GALNT13: variants seen among roughly 807,000 people sequenced by gnomAD.
GALNT13 encodes the protein UDP-GalNAc:polypeptide N-acetylgalactosaminyltransferase 13.
A neutral mutation model predicts 64.2 loss-of-function variants in GALNT13; 28 were observed. The ratio of observed to expected loss-of-function variants is 0.44; its 90% CI spans 0.32 to 0.60. The LOEUF (loss-of-function observed/expected upper bound fraction) is 0.60, where lower values mean the gene tolerates loss of function less well. GALNT13 is among the 20% of genes least tolerant of loss of function. The pLI is 0.05. For synonymous variants in GALNT13, 214 were observed against 224.6 expected (o/e 0.95, Z 0.42); for missense variants, 577 against 669.8 (o/e 0.86, Z 1.53).
chr2:153,312,067 A>C, the GALNT13 span, among the ~76,000 whole-genome samples: 1 of 152,198 alleles, frequency 6.6e-6, no homozygotes, highest in African/African-American at 2.4e-5. Context: ...AAATAATGTA[A>C]ATTGCCAAAG....
chr2:154,204,907 G>A (rs1423480950), intron 4 of GALNT13, among the ~76,000 whole-genome samples: 1 of 152,162 alleles, frequency 6.6e-6, no homozygotes. Context: ...CTGTCTTAGT[G>A]TTTAATACAG....
intron 9 of GALNT13, among the ~76,000 whole-genome samples, chr2:154,354,818 ATTATAAT>A (rs1332399166): frequency 6.6e-6 from 1 of 151,928 alleles, no homozygotes; most frequent in Non-Finnish European, 1.5e-5. Flanking sequence ...GTGATTTTAA[ATTATAAT>A]TTGTAACCTT....
the GALNT13 span, among the ~76,000 whole-genome samples, chr2:153,104,341 A>G: frequency 1.3e-5 from 2 of 152,220 alleles, no homozygotes; most frequent in African/African-American, 4.8e-5. Flanking sequence ...GGCTCTCCCA[A>G]CATTTCAAAG....
At chr2:153,534,590 G>A in the GALNT13 span, among the ~76,000 whole-genome samples, 4 of 145,912 alleles carry the variant, frequency 2.7e-5, no homozygotes, top group Non-Finnish European at 5.9e-5. Flanking sequence ...GGCCAAGTCC[G>A]AAAAGAGAGT....
intron 9 of GALNT13, among the ~76,000 whole-genome samples, chr2:154,339,539 A>G (rs1035670792): frequency 3.3e-5 from 5 of 152,268 alleles, no homozygotes; most frequent in Non-Finnish European, 7.4e-5. Context: ...CTGGAATTTT[A>G]AAATGTAGTT....
At chr2:153,331,215 G>T in the GALNT13 span, among the ~76,000 whole-genome samples, 2 of 135,038 alleles carry the variant, frequency 1.5e-5, no homozygotes, top group African/African-American at 5.5e-5. Context: ...GTTCATCAGG[G>T]ATATTGGCCT....
chr2:153,070,253 G>T, the GALNT13 span, among the ~76,000 whole-genome samples: 1 of 152,144 alleles, frequency 6.6e-6, no homozygotes, highest in South Asian at 2.1e-4. Context: ...TATGGCATTT[G>T]GAAAAGGCAG....
At chr2:154,057,463 T>G (rs1193470282) in intron 3 of GALNT13, among the ~76,000 whole-genome samples, 1 of 152,228 alleles carries the variant, frequency 6.6e-6, no homozygotes, top group Non-Finnish European at 1.5e-5. Flanking sequence ...TCATTAAATA[T>G]TTATGTAGTA....
At chr2:153,844,416 T>A in the GALNT13 span, among the ~76,000 whole-genome samples, 1 of 152,188 alleles carries the variant, frequency 6.6e-6, no homozygotes, top group Non-Finnish European at 1.5e-5. Flanking sequence ...TGGAGAGCAT[T>A]GTCCCAAGGC....
At chr2:154,380,533 C>A (rs905094771) in intron 9 of GALNT13, among the ~76,000 whole-genome samples, 4 of 151,908 alleles carry the variant, frequency 2.6e-5, no homozygotes, top group African/African-American at 9.7e-5. Context: ...AGTCATCCTT[C>A]CAGAATTTTT....
the GALNT13 span, among the ~76,000 whole-genome samples, chr2:153,144,560 A>G: frequency 6.6e-6 from 1 of 151,956 alleles, no homozygotes; most frequent in Non-Finnish European, 1.5e-5. Flanking sequence ...GAAGAGAAGT[A>G]AGTCTGGTAT....
At chr2:153,411,860 A>T in the GALNT13 span, among the ~76,000 whole-genome samples, 16 of 152,260 alleles carry the variant, frequency 1.1e-4, no homozygotes, top group African/African-American at 3.9e-4. Flanking sequence ...ACTTGATTGG[A>T]TTGAAAGATG....
chr2:154,346,474 G>C (rs970042785), intron 9 of GALNT13, among the ~76,000 whole-genome samples: 1 of 151,916 alleles, frequency 6.6e-6, no homozygotes, highest in Non-Finnish European at 1.5e-5. Context: ...TAATTGAATC[G>C]TGGGCGTGGT....
the GALNT13 span, among the ~76,000 whole-genome samples, chr2:153,141,280 T>C: frequency 6.6e-6 from 1 of 151,980 alleles, no homozygotes; most frequent in Non-Finnish European, 1.5e-5. Flanking sequence ...ACATCTGGGT[T>C]CCACAAGCAG....
At chr2:153,148,693 CA>C in the GALNT13 span, among the ~76,000 whole-genome samples, 1 of 151,662 alleles carries the variant, frequency 6.6e-6, no homozygotes, top group Admixed American at 6.6e-5. Context: ...CTTGTTAAGA[CA>C]GGGGGTTCTG....
chr2:153,265,733 G>A, the GALNT13 span, among the ~76,000 whole-genome samples: 4 of 152,104 alleles, frequency 2.6e-5, no homozygotes, highest in Admixed American at 1.3e-4. Context: ...ATTACTAGAG[G>A]CTTCTATTCA....
At chr2:153,714,847 C>T in the GALNT13 span, among the ~76,000 whole-genome samples, 1 of 152,232 alleles carries the variant, frequency 6.6e-6, no homozygotes, top group Non-Finnish European at 1.5e-5. Context: ...CTACTTCATA[C>T]TTAGCCCTTA....
At chr2:154,069,422 A>G (rs1331079523) in intron 3 of GALNT13, among the ~76,000 whole-genome samples, 1 of 151,974 alleles carries the variant, frequency 6.6e-6, no homozygotes. Flanking sequence ...TGAAACACCA[A>G]GAGAGATTTT....
chr2:154,254,291 A>T (rs1690250355), intron 7 of GALNT13, among the ~76,000 whole-genome samples: 1 of 152,296 alleles, frequency 6.6e-6, no homozygotes, highest in East Asian at 1.9e-4. Context: ...CCCATTGTTT[A>T]TTTTGATCCC....
Sources: gnomAD v4.1 joint callset for allele counts (sites outside exome capture counted in the v4.1 genomes callset) on GRCh38, gnomAD v4.1.1 for gene constraint, MANE v1.5 for transcripts, NCBI Gene and HGNC (gene_info 2026-07-23, HGNC 2026-07-21) for gene names.